The following GABRB1 variants were observed in gnomAD, a reference collection of about 807,000 sequenced individuals.
The protein encoded by GABRB1 is gamma-aminobutyric acid type A receptor subunit beta1.
Under a neutral mutation model 51.6 loss-of-function variants are expected in GABRB1, and 17 were observed. The observed-to-expected ratio is 0.33, with a 90% CI of 0.23 to 0.49. GABRB1 has a LOEUF of 0.49. Among genes scored for constraint, GABRB1 ranks in the 20% least tolerant of loss-of-function variants. GABRB1 has a pLI of 0.99. For synonymous variants in GABRB1, 247 were observed against 218.9 expected (o/e 1.13, Z -1.14); for missense variants, 410 against 600.6 (o/e 0.68, Z 3.32).
At chr4:47,020,425 G>A (rs1724897745) in intron 1 of GABRB1, among the ~76,000 whole-genome samples, 2 of 152,058 alleles carry the variant, frequency 1.3e-5, no homozygotes, top group African/African-American at 4.8e-5. Context: ...GAGTTACCCT[G>A]CTGCCTACTC....
At chr4:46,997,315 G>A (rs1724030175) in intron 1 of GABRB1, among the ~76,000 whole-genome samples, 2 of 151,690 alleles carry the variant, frequency 1.3e-5, no homozygotes, top group African/African-American at 4.8e-5. Flanking sequence ...TGTGAGGATC[G>A]AGTACCTAAA....
At chr4:47,335,201 C>T (rs1665154051) in intron 5 of GABRB1, among the ~76,000 whole-genome samples, 1 of 152,112 alleles carries the variant, frequency 6.6e-6, no homozygotes. Flanking sequence ...TTACCTTCCT[C>T]CATCCTGTCT....
chr4:47,213,435 TCA>T (rs1452273460), intron 4 of GABRB1, among the ~76,000 whole-genome samples: 13 of 151,324 alleles, frequency 8.6e-5, no homozygotes, highest in Non-Finnish European at 1.9e-4. Context: ...TCTCTCTCTC[TCA>T]CTCTCTCTCT....
intron 4 of GABRB1, among the ~76,000 whole-genome samples, chr4:47,252,249 A>G (rs1173791791): frequency 6.6e-6 from 1 of 151,922 alleles, no homozygotes; most frequent in Non-Finnish European, 1.5e-5. Context: ...CTCAACTCCA[A>G]GTAAGGTCAG....
chr4:47,252,194 T>A (rs1380534455), intron 4 of GABRB1, among the ~76,000 whole-genome samples: 1 of 151,586 alleles, frequency 6.6e-6, no homozygotes, highest in East Asian at 2.0e-4. Context: ...AAGGCCTTTC[T>A]GCTGCTTCCT....
chr4:47,139,220 C>G (rs1040424423), intron 3 of GABRB1, among the ~76,000 whole-genome samples: 1 of 151,950 alleles, frequency 6.6e-6, no homozygotes, highest in Non-Finnish European at 1.5e-5. Context: ...ACTGGGATGC[C>G]TCTAAAACAG....
At chr4:47,051,089 G>A (rs1214667713) in intron 3 of GABRB1, among the ~76,000 whole-genome samples, 2 of 152,076 alleles carry the variant, frequency 1.3e-5, no homozygotes, top group Admixed American at 6.6e-5. Flanking sequence ...AGAGGGCAGA[G>A]TTTATGTCAG....
At chr4:47,030,841 G>A (rs1326143291), upstream of GABRB1, among the ~76,000 whole-genome samples, 3 of 152,048 alleles carry the variant, frequency 2.0e-5, no homozygotes, top group Admixed American at 6.6e-5. Context: ...AGGATAAGTG[G>A]GGCTTGCAGT....
chr4:47,425,857 G>T lies in GABRB1; in HGVS notation c.1264G>T (p.Gly422Trp), dbSNP rs748097369. 9 of 1,613,964 alleles carry T rather than the reference G, an allele frequency of 5.6e-6. No individual in the cohort carries two copies. The highest frequency in any genetic ancestry group is 1.3e-5 in the African/African-American group (1 of 74,938). The change falls in exon 9 of 9, where the codon GGG (glycine) becomes TGG (tryptophan). Residue 422 changes from glycine (G) to tryptophan (W), a missense_variant. This residue lies in a region of GABRB1 where 181 missense variants were observed against 195.6 expected (regional missense o/e 0.93). Transcript: ENST00000295454. ...CTACGGGCGCGCCCTGGACCGGCAC[G>T]GGGTACCCAGCAAGGGGCGCATCCG... ...EAYGRALDRH[G>W]VPSKGRIRRR...
chr4:47,200,574 GA>G (rs1384463947), intron 4 of GABRB1, among the ~76,000 whole-genome samples: 1 of 152,054 alleles, frequency 6.6e-6, no homozygotes, highest in Non-Finnish European at 1.5e-5. Context: ...AGACAGTTTT[GA>G]ATTTATGTAC....
At chr4:47,325,657 T>G (rs1304325598) in intron 5 of GABRB1, among the ~76,000 whole-genome samples, 1 of 152,132 alleles carries the variant, frequency 6.6e-6, no homozygotes, top group African/African-American at 2.4e-5. Context: ...CATCATAACT[T>G]TCTCGTTTCT....
At chr4:47,170,763 G>A (rs548587027) in intron 4 of GABRB1, among the ~76,000 whole-genome samples, 16 of 152,220 alleles carry the variant, frequency 1.1e-4, no homozygotes, top group Admixed American at 7.2e-4. Context: ...ACAGCAGACC[G>A]TACATAAAGA....
At chr4:47,192,737 A>G (rs1719490253) in intron 4 of GABRB1, among the ~76,000 whole-genome samples, 1 of 152,236 alleles carries the variant, frequency 6.6e-6, no homozygotes, top group Admixed American at 6.5e-5. Context: ...TTAAAAATAA[A>G]AATTGAGGAA....
chr4:47,016,630 C>A (rs1398960408), intron 1 of GABRB1, among the ~76,000 whole-genome samples: 7 of 151,708 alleles, frequency 4.6e-5, no homozygotes, highest in Non-Finnish European at 8.8e-5. Context: ...ACTCTGTCAC[C>A]CAGGCTGGAG....
intron 4 of GABRB1, among the ~76,000 whole-genome samples, chr4:47,262,925 C>A (rs1216736289): frequency 6.6e-6 from 1 of 151,404 alleles, no homozygotes; most frequent in Non-Finnish European, 1.5e-5. Context: ...CCATCATTCT[C>A]AGCAAACTAT....
chr4:47,269,197 A>AT (rs1045108855), intron 4 of GABRB1, among the ~76,000 whole-genome samples: 21 of 152,178 alleles, frequency 1.4e-4, no homozygotes, highest in African/African-American at 4.8e-4. Context: ...ATACAGATGT[A>AT]TTTTAAATAC....
intron 3 of GABRB1, among the ~76,000 whole-genome samples, chr4:47,061,864 A>G (rs1434827077): frequency 1.3e-5 from 2 of 152,092 alleles, no homozygotes; most frequent in Admixed American, 1.3e-4. Flanking sequence ...TCCTCAGGTG[A>G]ATTTTTTATA....
intron 3 of GABRB1, among the ~76,000 whole-genome samples, chr4:47,090,018 T>C (rs1303678754): frequency 6.6e-6 from 1 of 152,228 alleles, no homozygotes; most frequent in Non-Finnish European, 1.5e-5. Flanking sequence ...TAATTTTAGT[T>C]CTATCACATT....
At chr4:47,216,633 A>G (rs942345161) in intron 4 of GABRB1, among the ~76,000 whole-genome samples, 8 of 151,910 alleles carry the variant, frequency 5.3e-5, no homozygotes, top group Non-Finnish European at 4.4e-5. Flanking sequence ...GAATAATCCA[A>G]TGGCAAATAG....
Sources: allele counts gnomAD v4.1 joint callset (sites outside exome capture counted in the v4.1 genomes callset), GRCh38; gene constraint gnomAD v4.1.1; regional missense constraint gnomAD v4.1.1; transcripts MANE v1.5; gene names NCBI Gene and HGNC (gene_info 2026-07-23, HGNC 2026-07-21).